The following MED13 variants were observed in gnomAD, a reference collection of about 807,000 sequenced individuals.
MED13 encodes the protein mediator complex subunit 13, also known as mediator of RNA polymerase II transcription subunit 13.
A neutral mutation model predicts 225.2 loss-of-function variants in MED13; 23 were observed. That is an observed-to-expected ratio of 0.10 (90% CI 0.07 to 0.14). The LOEUF (loss-of-function observed/expected upper bound fraction) is 0.14, where lower values mean the gene tolerates loss of function less well. MED13 is among the 10% of genes least tolerant of loss of function. The pLI is 1.00. For synonymous variants in MED13, 942 were observed against 889.2 expected (o/e 1.06, Z -1.06); for missense variants, 2,197 against 2,594.5 (o/e 0.85, Z 3.33).
chr17:62,045,802 T>A (rs1311201156), intron 3 of MED13, among the ~76,000 whole-genome samples: 2 of 152,186 alleles, frequency 1.3e-5, no homozygotes, highest in East Asian at 3.8e-4. Flanking sequence ...GTGGTTACTC[T>A]TACACTTGCG....
Position 61,952,994 on chromosome 17 carries a change from G to A in MED13, c.6088C>T (p.His2030Tyr). Residue 2030 changes from histidine (H) to tyrosine (Y), a missense_variant, in exon 27 of 30, where the codon CAT (histidine) becomes TAT (tyrosine). His to Tyr is a moderately conservative substitution (Grantham distance 83). Transcript: ENST00000397786. ...CCCGCATCACCTCCATGGGGGTAAT[G>A]AGATCCTGGAGAATGTACAGGAGAA... ...TGSPVHSPGS[H>Y]YPHGGDAGKG... 1 of 1,613,956 alleles carries A rather than the reference G, an allele frequency of 6.2e-7. No individual in the cohort carries two copies. Among genetic ancestry groups the A allele is most frequent in the Non-Finnish European group, 8.5e-7 (1 of 1,179,942 alleles).
chr17:62,062,993 T>C, intron 2 of MED13, 74 bp downstream of exon 2: 2 of 1,137,990 alleles, frequency 1.8e-6, no homozygotes, highest in Non-Finnish European at 2.5e-6. Flanking sequence ...ACTTAATTTG[T>C]AATACATATG....
Position 61,982,563 on chromosome 17 carries a change from T to A in MED13, c.3440A>T (p.Asp1147Val). 1 of 1,614,194 alleles carries A rather than the reference T, an allele frequency of 6.2e-7. No individual in the cohort carries two copies. The highest frequency in any genetic ancestry group is 1.1e-5 in the South Asian group (1 of 91,082). Reference sequence around the variant, plus strand: ...ACAGTCTGTATTGCGTCCTATGATATCTAGTTCATCTTCAAGAAATAATCC... The same window carrying A: ...ACAGTCTGTATTGCGTCCTATGATAACTAGTTCATCTTCAAGAAATAATCC... ...NSGLFLEDELDIIGRNTDCGK... is the reference protein window; with the variant it reads ...NSGLFLEDELVIIGRNTDCGK... The change falls in exon 16 of 30, where the codon GAT becomes GTT. Residue 1147 changes from aspartate to valine, a missense_variant. By Grantham distance (152) the Asp-to-Val change is radical. Coordinates refer to ENST00000397786, the MANE Select transcript of MED13 (RefSeq NM_005121.3).
intron 4 of MED13, 25 bp from the exon 5 acceptor site, chr17:62,034,009 ATAAG>A (rs2080780511): frequency 6.3e-7 from 1 of 1,593,156 alleles, no homozygotes; most frequent in South Asian, 1.1e-5. Flanking sequence ...CAGACATCAA[ATAAG>A]TAACAAAAGA....
chr17:61,951,777 C>A (rs1363721501), intron 27 of MED13, among the ~76,000 whole-genome samples: 5 of 152,150 alleles, frequency 3.3e-5, no homozygotes, highest in Admixed American at 1.3e-4. Flanking sequence ...TATCTAATTT[C>A]TTTGCAGTTA....
chr17:62,004,184 C>T (rs1209412587), intron 9 of MED13: 1 of 152,146 alleles, frequency 6.6e-6, no homozygotes, highest in African/African-American at 2.4e-5. Context: ...CAAACATTTG[C>T]TGAATTTCTA....
At chr17:62,010,186 A>G (rs780689806) in intron 9 of MED13, among the ~76,000 whole-genome samples, 1 of 150,420 alleles carries the variant, frequency 6.6e-6, no homozygotes, top group Non-Finnish European at 1.5e-5. Flanking sequence ...GTGCCTCTAC[A>G]CTCTAGCCTG....
intron 8 of MED13, among the ~76,000 whole-genome samples, chr17:62,018,188 G>A (rs528151121): frequency 2.0e-5 from 3 of 152,208 alleles, no homozygotes; most frequent in African/African-American, 7.2e-5. Context: ...TACTTTTCAG[G>A]TGAGATCACT....
chr17:62,061,259 T>C (rs1019123602), intron 2 of MED13, among the ~76,000 whole-genome samples: 2 of 152,030 alleles, frequency 1.3e-5, no homozygotes, highest in African/African-American at 4.8e-5. Flanking sequence ...GGGCTCACAC[T>C]TGTAATCCCA....
intron 3 of MED13, among the ~76,000 whole-genome samples, chr17:62,046,861 A>AT (rs572223238): frequency 9.4e-4 from 138 of 146,478 alleles, no homozygotes; most frequent in Middle Eastern, 3.6e-3. Context: ...TATAATTTCA[A>AT]TTTTTTTTTT....
chr17:62,047,268 G>C (rs1324773149), intron 3 of MED13, among the ~76,000 whole-genome samples: 1 of 152,232 alleles, frequency 6.6e-6, no homozygotes, highest in East Asian at 1.9e-4. Context: ...CTACTCGGGA[G>C]GCTAAGGCAG....
intron 3 of MED13, among the ~76,000 whole-genome samples, chr17:62,044,403 C>CT (rs562323900): frequency 8.7e-4 from 132 of 152,240 alleles, no homozygotes; most frequent in Non-Finnish European, 1.5e-3. Flanking sequence ...AACAGCCATC[C>CT]TTTCCTTCCT....
intron 3 of MED13, among the ~76,000 whole-genome samples, chr17:62,043,181 A>AAG (rs1555643668): frequency 1.4e-4 from 19 of 134,084 alleles, no homozygotes; most frequent in African/African-American, 4.6e-4. Context: ...AAAAAAAAAA[A>AAG]AAAGAAAGAA....
At chr17:62,005,506 T>A (rs936673848) in intron 9 of MED13, 4 of 152,244 alleles carry the variant, frequency 2.6e-5, no homozygotes, top group African/African-American at 9.7e-5. Flanking sequence ...TTCTGGAGGT[T>A]GAGGCACAAG....
intron 3 of MED13, among the ~76,000 whole-genome samples, chr17:62,044,284 T>A (rs966545480): frequency 1.1e-4 from 16 of 152,258 alleles, no homozygotes; most frequent in Middle Eastern, 3.4e-3. Context: ...AGTACTGTTT[T>A]AATTATAAAT....
intron 20 of MED13, 87 bp downstream of exon 20, chr17:61,964,919 G>A (rs1285472292): frequency 3.9e-6 from 5 of 1,265,936 alleles, no homozygotes; most frequent in African/African-American, 1.5e-5. Flanking sequence ...CTGCGCAAAA[G>A]AGTGAGACTG....
chr17:61,958,148 G>C (rs977473609), intron 23 of MED13, among the ~76,000 whole-genome samples: 3 of 151,950 alleles, frequency 2.0e-5, no homozygotes, highest in Non-Finnish European at 2.9e-5. Context: ...ACAGGCGTGA[G>C]CCACCGCGCC....
intron 16 of MED13, among the ~76,000 whole-genome samples, chr17:61,980,870 G>A (rs1466595420): frequency 6.6e-6 from 1 of 151,856 alleles, no homozygotes; most frequent in Non-Finnish European, 1.5e-5. Flanking sequence ...GGCCTCCTGA[G>A]CAGCTGGGAC....
chr17:61,984,623 AT>A, intron 14 of MED13, 27 bp downstream of exon 14: 1 of 1,541,540 alleles, frequency 6.5e-7, no homozygotes, highest in Non-Finnish European at 8.8e-7. Context: ...TAGGAAGTGA[AT>A]TATTTTTCTA....
Sources: allele counts gnomAD v4.1 joint callset (sites outside exome capture counted in the v4.1 genomes callset), GRCh38; gene constraint gnomAD v4.1.1; transcripts MANE v1.5; gene names NCBI Gene and HGNC (gene_info 2026-07-23, HGNC 2026-07-21).